The following ANXA10 variants were observed in gnomAD, a reference collection of about 807,000 sequenced individuals.
ANXA10 encodes the protein annexin 14.
A neutral mutation model predicts 53.5 loss-of-function variants in ANXA10; 49 were observed. That is an observed-to-expected ratio of 0.92 (90% confidence interval 0.73 to 1.16). The LOEUF (loss-of-function observed/expected upper bound fraction) is 1.16, where lower values mean the gene tolerates loss of function less well. Ranked by LOEUF, ANXA10 falls within the 50% of genes most tolerant of loss-of-function variation. ANXA10 has a pLI of 0.00. For synonymous variants in ANXA10, 131 were observed against 128.9 expected, an observed-to-expected ratio of 1.02 and a Z score of -0.11; for missense variants, 393 against 394.4, an observed-to-expected ratio of 1.00 and a Z score of 0.03.
Position 168,147,730 on chromosome 4 carries a change from T to A in ANXA10, c.195+8150T>A, listed in dbSNP as rs1731428055. 3.9e-5 allele frequency among the ~76,000 whole-genome samples: 6 copies of A among 152,338 alleles called. No homozygotes were observed. The South Asian group carries it at 1.2e-3, about 32-fold the overall frequency. ...GTTTACTTTCACCGATGAGTCCAGG[T>A]AGAATGGTGACATGGACACCTGCAT... On this transcript the variant is annotated intron_variant, in intron 3 of 11. Transcript: ENST00000359299.
At chr4:168,096,729 T>C (rs1730546677) in intron 1 of ANXA10, among the ~76,000 whole-genome samples, 1 of 151,596 alleles carries the variant, frequency 6.6e-6, no homozygotes. Flanking sequence ...TTGTTTGGCA[T>C]ATAAAGCACC....
At chr4:168,155,498 A>C (rs867163125) in intron 3 of ANXA10, among the ~76,000 whole-genome samples, 2 of 22,514 alleles carry the variant, frequency 8.9e-5, no homozygotes, top group South Asian at 1.9e-3. Context: ...ATAATATATA[A>C]TTATATATTA....
chr4:168,098,655 G>A (rs1262699995), intron 1 of ANXA10, among the ~76,000 whole-genome samples: 3 of 152,088 alleles, frequency 2.0e-5, no homozygotes. Flanking sequence ...ATCAAAGGCA[G>A]AGTAAAACTT....
intron 1 of ANXA10, among the ~76,000 whole-genome samples, chr4:168,102,747 C>G (rs976388886): frequency 7.6e-6 from 1 of 131,472 alleles, no homozygotes; most frequent in Admixed American, 7.6e-5. Flanking sequence ...TTTTTGAGTG[C>G]AGTTATGTTT....
At chr4:168,118,002 A>C (rs1730922623) in intron 1 of ANXA10, among the ~76,000 whole-genome samples, 1 of 120,762 alleles carries the variant, frequency 8.3e-6, no homozygotes, top group Admixed American at 9.1e-5. Flanking sequence ...CATCAATGGA[A>C]TGTGGGAGAA....
intron 1 of ANXA10, among the ~76,000 whole-genome samples, chr4:168,094,407 ATAGTT>A (rs1730510708): frequency 6.6e-6 from 1 of 152,282 alleles, no homozygotes; most frequent in African/African-American, 2.4e-5. Flanking sequence ...CAATATCAGT[ATAGTT>A]TAAAGTAATT....
intron 1 of ANXA10, among the ~76,000 whole-genome samples, chr4:168,123,015 C>T (rs1321496611): frequency 6.6e-6 from 1 of 152,116 alleles, no homozygotes; most frequent in Non-Finnish European, 1.5e-5. Context: ...AAATCGAATA[C>T]ACTACTATTA....
intron 6 of ANXA10, among the ~76,000 whole-genome samples, chr4:168,170,098 G>T (rs187443209): frequency 6.6e-6 from 1 of 152,050 alleles, no homozygotes. Context: ...TAATGATAGG[G>T]TGTGTACATG....
intron 3 of ANXA10, among the ~76,000 whole-genome samples, chr4:168,145,404 T>C (rs1261221648): frequency 6.6e-6 from 1 of 152,246 alleles, no homozygotes; most frequent in Admixed American, 6.5e-5. Context: ...GGATTTGTTT[T>C]AGAAAAGGGC....
chr4:168,151,477 A>T (rs1018187774), intron 3 of ANXA10, among the ~76,000 whole-genome samples: 9 of 152,232 alleles, frequency 5.9e-5, no homozygotes, highest in Non-Finnish European at 2.9e-5. Context: ...AACACAGAAC[A>T]GCTCAATTTG....
chr4:168,178,161 A>T, intron 8 of ANXA10, 178 bp downstream of exon 8: 1 of 573,056 alleles, frequency 1.7e-6, no homozygotes, highest in Non-Finnish European at 3.0e-6. Context: ...ATTACTAAGG[A>T]ATAAATATTT....
At chr4:168,158,585 T>G (rs1731728686) in intron 3 of ANXA10, among the ~76,000 whole-genome samples, 2 of 152,148 alleles carry the variant, frequency 1.3e-5, no homozygotes, top group Non-Finnish European at 2.9e-5. Flanking sequence ...TAGTACAAAT[T>G]GAAATAGAAT....
intron 6 of ANXA10, among the ~76,000 whole-genome samples, chr4:168,166,050 G>A (rs970247949): frequency 1.3e-5 from 2 of 152,194 alleles, no homozygotes; most frequent in African/African-American, 4.8e-5. Flanking sequence ...CCTACAATGT[G>A]CCTAGTACTG....
At chr4:168,169,538 T>C (rs905344017) in intron 6 of ANXA10, among the ~76,000 whole-genome samples, 5 of 152,188 alleles carry the variant, frequency 3.3e-5, no homozygotes, top group Non-Finnish European at 7.3e-5. Context: ...GAACATTCCA[T>C]AATTAACAGG....
intron 2 of ANXA10, among the ~76,000 whole-genome samples, chr4:168,130,902 T>A (rs1731146283): frequency 6.6e-6 from 1 of 151,708 alleles, no homozygotes; most frequent in Admixed American, 6.6e-5. Flanking sequence ...TTAACCTAGC[T>A]AAAGCCCTAT....
intron 1 of ANXA10, among the ~76,000 whole-genome samples, chr4:168,105,760 T>C (rs889794398): frequency 6.6e-6 from 1 of 152,052 alleles, no homozygotes; most frequent in Admixed American, 6.6e-5. Context: ...CCTTTTTCTC[T>C]ATAAGCTCAA....
intron 3 of ANXA10, among the ~76,000 whole-genome samples, chr4:168,144,933 C>T (rs1448120726): frequency 6.6e-6 from 1 of 152,160 alleles, no homozygotes; most frequent in Non-Finnish European, 1.5e-5. Context: ...GTCAGCTGTA[C>T]AGGAGACAGG....
At chr4:168,186,355 G>T (rs764589361) in intron 11 of ANXA10, among the ~76,000 whole-genome samples, 1 of 152,132 alleles carries the variant, frequency 6.6e-6, no homozygotes, top group Non-Finnish European at 1.5e-5. Context: ...CTTTTATTCT[G>T]CTATGGTGTG....
intron 6 of ANXA10, among the ~76,000 whole-genome samples, chr4:168,173,601 A>G (rs551185470): frequency 1.3e-5 from 2 of 152,326 alleles, no homozygotes; most frequent in East Asian, 1.9e-4. Flanking sequence ...GGCAGTGGTG[A>G]TAAGTGCCCA....
Sources: allele counts gnomAD v4.1 joint callset (sites outside exome capture counted in the v4.1 genomes callset), GRCh38; gene constraint gnomAD v4.1.1; transcripts MANE v1.5; gene names NCBI Gene and HGNC (gene_info 2026-07-23, HGNC 2026-07-21).